The following BCCIP variants were observed in gnomAD, a reference collection of about 807,000 sequenced individuals.
BCCIP encodes BRCA2 and CDKN1A interacting protein, also known as BRCA2 and CDKN1A-interacting protein.
In BCCIP, 23 loss-of-function variants were observed where a neutral mutation model predicts 32.8. That is an observed-to-expected ratio of 0.70 (90% confidence interval 0.51 to 0.99). The LOEUF is 0.99. Ranked by LOEUF, BCCIP falls within the 50% of genes least tolerant of loss-of-function variation. BCCIP has a pLI of 0.00. For missense variants in BCCIP, 378 were observed against 379.8 expected, an observed-to-expected ratio of 1.00 and a Z score of 0.04; for synonymous variants, 144 against 137.6, an observed-to-expected ratio of 1.05 and a Z score of -0.33.
chr10:125,829,380 G>A (rs1435065358), intron 3 of BCCIP, among the ~76,000 whole-genome samples: 2 of 152,174 alleles, frequency 1.3e-5, no homozygotes, highest in Non-Finnish European at 2.9e-5. Flanking sequence ...CTAGCCTGTT[G>A]TGAAAAACAC....
downstream of BCCIP, among the ~76,000 whole-genome samples, chr10:125,847,069 G>C (rs1382005508): frequency 6.6e-6 from 1 of 152,162 alleles, no homozygotes; most frequent in African/African-American, 2.4e-5. Context: ...GTTGGGACTT[G>C]GGCATTGTGT....
intron 6 of BCCIP, 63 bp from the exon 7 acceptor site, chr10:125,836,041 A>G: frequency 1.4e-6 from 2 of 1,423,278 alleles, no homozygotes; most frequent in African/African-American, 1.4e-5. Context: ...TTTGCCGTAG[A>G]TCAAATGGGT....
intron 2 of BCCIP, 27 bp from the exon 3 acceptor site, chr10:125,827,531 T>G: frequency 6.9e-7 from 1 of 1,452,728 alleles, no homozygotes; most frequent in Non-Finnish European, 9.6e-7. Flanking sequence ...TTGATCTTAA[T>G]TTAAAATAAT....
downstream of BCCIP, among the ~76,000 whole-genome samples, chr10:125,845,312 CA>C (rs939730465): frequency 6.6e-6 from 1 of 152,216 alleles, no homozygotes; most frequent in Non-Finnish European, 1.5e-5. Flanking sequence ...TTTGTTATAA[CA>C]ATCTTTGGCC....
intron 1 of BCCIP, 85 bp downstream of exon 1, chr10:125,823,807 C>T: frequency 1.9e-6 from 3 of 1,546,588 alleles, no homozygotes; most frequent in East Asian, 4.5e-5. Context: ...AGTGTAGGGT[C>T]TTCCCTGACC....
chr10:125,833,932 G>T lies in BCCIP; in HGVS notation c.760G>T (p.Glu254Ter). Residue 254 changes from glutamate to a stop codon, truncating the protein, a stop_gained, in exon 6 of 7, where the codon GAA (glutamate) becomes TAA (stop). Transcript: ENST00000278100. LOFTEE classifies it high-confidence loss of function. ...GTTAATGTTTGCAAATGCAGAGGAA[G>T]AATTTTTCTATGAGGTAAGACTATC... ...AALMFANAEE[E>*]FFYEKAILKF... The T allele has an allele frequency of 6.2e-7, 1 of 1,614,158 alleles. No homozygotes were observed. The highest frequency in any genetic ancestry group is 8.5e-7 in the Non-Finnish European group (1 of 1,180,020).
downstream of BCCIP, among the ~76,000 whole-genome samples, chr10:125,844,572 A>G (rs1369967219): frequency 6.6e-6 from 1 of 152,260 alleles, no homozygotes; most frequent in African/African-American, 2.4e-5. Flanking sequence ...CAGGTGAAGA[A>G]CATTAATAAA....
At chr10:125,841,189 G>T, downstream of BCCIP, 1 of 1,406,062 alleles carries the variant, frequency 7.1e-7, no homozygotes, top group Non-Finnish European at 1.0e-6. Flanking sequence ...CTCTCCTTTT[G>T]TGTGTGTGTG....
chr10:125,832,664 C>T (rs1854549744), intron 5 of BCCIP, among the ~76,000 whole-genome samples: 1 of 152,054 alleles, frequency 6.6e-6, no homozygotes, highest in Non-Finnish European at 1.5e-5. Context: ...CGCAGTGGTG[C>T]ACGCCTGTAG....
chr10:125,850,958 A>T lies in BCCIP; in HGVS notation c.851-2167A>T, dbSNP rs751981906. Among the ~76,000 whole-genome samples the T allele has an allele frequency of 6.0e-4, 91 of 152,328 alleles. No homozygotes were observed. In the Middle Eastern group the frequency reaches 0.014, roughly 23 times the overall value. On this transcript the variant is annotated intron_variant, in intron 7 of 7. Coordinates refer to the BCCIP transcript ENST00000368759. Reference sequence around the variant, plus strand: ...CCACTGAAGTGGTCAGCTGGTCCTGAGGCCTCCTACCCCAATGGACAGTGA... The same window carrying T: ...CCACTGAAGTGGTCAGCTGGTCCTGTGGCCTCCTACCCCAATGGACAGTGA...
intron 5 of BCCIP, 165 bp downstream of exon 5, chr10:125,831,772 A>C: frequency 1.9e-6 from 1 of 521,564 alleles, no homozygotes; most frequent in East Asian, 3.0e-5. Context: ...TACATACATT[A>C]TTAACAACTG....
In BCCIP at chr10:125,823,691, A is replaced by G; in HGVS notation, c.134A>G (p.Glu45Gly). The change falls in exon 1 of 7, where the codon GAA becomes GGA. Residue 45 changes from glutamate to glycine, a missense_variant. Glu to Gly is a moderately conservative substitution (Grantham distance 98). Transcript: ENST00000278100. Reference protein sequence around the residue: ...EDEDDDDSDKEKDEEDEVIDE... With the variant: ...EDEDDDDSDKGKDEEDEVIDE... Reference sequence around the variant, plus strand: ...GAAGACGATGATGACAGTGACAAGGAAAAGGATGAAGAGGACGAGGTCATT... The same window carrying G: ...GAAGACGATGATGACAGTGACAAGGGAAAGGATGAAGAGGACGAGGTCATT... 1 of 1,614,072 alleles carries G rather than the reference A, an allele frequency of 6.2e-7. No homozygotes were observed.
At chr10:125,844,087 C>T (rs192955944), downstream of BCCIP, among the ~76,000 whole-genome samples, 27 of 152,260 alleles carry the variant, frequency 1.8e-4, no homozygotes, top group Admixed American at 1.4e-3. Flanking sequence ...TTTGGACTAA[C>T]CATGACCTTG....
chr10:125,826,286 T>C (rs1564816861), intron 1 of BCCIP: 3 of 334,034 alleles, frequency 9.0e-6, no homozygotes, highest in Non-Finnish European at 1.7e-5. Flanking sequence ...ATCCATGGGC[T>C]AAGTCAAGCT....
At chr10:125,838,410 A>G, downstream of BCCIP, 1 of 1,545,048 alleles carries the variant, frequency 6.5e-7, no homozygotes, top group Non-Finnish European at 8.7e-7. Flanking sequence ...ATTTTAAAGA[A>G]AAAAGATTTT....
intron 4 of BCCIP, 31 bp from the exon 5 acceptor site, chr10:125,831,389 A>G: frequency 6.3e-7 from 1 of 1,597,906 alleles, no homozygotes; most frequent in Non-Finnish European, 8.6e-7. Context: ...ATGGCTTGTA[A>G]TAGGAAACAA....
intron 3 of BCCIP, among the ~76,000 whole-genome samples, chr10:125,827,881 G>A (rs923292557): frequency 6.7e-6 from 1 of 149,736 alleles, no homozygotes; most frequent in Non-Finnish European, 1.5e-5. Context: ...TGAGGTAGGA[G>A]GATCTCTTGA....
intron 5 of BCCIP, among the ~76,000 whole-genome samples, chr10:125,832,340 G>C (rs1042572441): frequency 6.6e-6 from 1 of 151,912 alleles, no homozygotes; most frequent in Non-Finnish European, 1.5e-5. Context: ...ACTTGACCTA[G>C]ACAGGTTCTT....
chr10:125,853,105 A>C (rs1359123772), intron 7 of BCCIP: 2 of 1,555,616 alleles, frequency 1.3e-6, no homozygotes, highest in Admixed American at 3.5e-5. Context: ...GTATGGCACT[A>C]ACAATGATTT....
Sources: gnomAD v4.1 joint callset for allele counts (sites outside exome capture counted in the v4.1 genomes callset) on GRCh38, gnomAD v4.1.1 for gene constraint, MANE v1.5 for transcripts, NCBI Gene and HGNC (gene_info 2026-07-23, HGNC 2026-07-21) for gene names.